CNTN5: variants seen among roughly 807,000 people sequenced by gnomAD.
The protein encoded by CNTN5 is contactin-5.
Under a neutral mutation model 129.1 loss-of-function variants are expected in CNTN5, and 77 were observed. The observed-to-expected ratio is 0.60, with a 90% CI of 0.50 to 0.72. The LOEUF is 0.72. Ranked by LOEUF, CNTN5 falls within the 30% of genes least tolerant of loss-of-function variation. The pLI, the probability that CNTN5 is intolerant of heterozygous loss-of-function variation, is 0.00. For synonymous variants in CNTN5, 509 were observed against 465.6 expected, an observed-to-expected ratio of 1.09 and a Z score of -1.20; for missense variants, 1,478 against 1,328.8, an observed-to-expected ratio of 1.11 and a Z score of -1.75.
chr11:99,404,603 T>C (rs1941988703), intron 2 of CNTN5, among the ~76,000 whole-genome samples: 1 of 152,170 alleles, frequency 6.6e-6, no homozygotes, highest in Non-Finnish European at 1.5e-5. Context: ...AACTTAACAC[T>C]ATTTGCATAA....
At chr11:99,419,028 A>C (rs1403889011) in intron 2 of CNTN5, among the ~76,000 whole-genome samples, 1 of 152,248 alleles carries the variant, frequency 6.6e-6, no homozygotes, top group Admixed American at 6.5e-5. Flanking sequence ...AGGATTATGC[A>C]TGATAAGGAA....
chr11:100,072,857 CAGTATAATAGCACTGAATTA>C (rs1195015059), intron 12 of CNTN5, among the ~76,000 whole-genome samples: 1 of 152,004 alleles, frequency 6.6e-6, no homozygotes, highest in African/African-American at 2.4e-5. Flanking sequence ...TGTCAACTCA[CAGTATAATAGCACTGAATTA>C]AAAGGCTGAT....
At chr11:99,855,578 A>G (rs1948006802) in intron 6 of CNTN5, among the ~76,000 whole-genome samples, 1 of 152,182 alleles carries the variant, frequency 6.6e-6, no homozygotes. Context: ...GGTGGTCTTT[A>G]GTAGTAGAAA....
intron 1 of CNTN5, among the ~76,000 whole-genome samples, chr11:99,141,202 T>G (rs997746973): frequency 2.0e-5 from 3 of 152,136 alleles, no homozygotes; most frequent in Non-Finnish European, 4.4e-5. Context: ...AGGTTTCAGT[T>G]TTTTTATTGG....
intron 3 of CNTN5, among the ~76,000 whole-genome samples, chr11:99,775,720 G>C (rs1355849616): frequency 6.6e-6 from 1 of 151,906 alleles, no homozygotes; most frequent in Non-Finnish European, 1.5e-5. Flanking sequence ...GCTATAAGTA[G>C]AATTTTGTAC....
intron 10 of CNTN5, among the ~76,000 whole-genome samples, chr11:100,070,165 C>CAA (rs3061793): frequency 0.25 from 27,733 of 108,896 alleles, 2,787 homozygotes; most frequent in East Asian, 0.43. Flanking sequence ...ACTTAAAGTC[C>CAA]AAAAAAAAAA....
chr11:100,024,115 G>C (rs532710830), intron 9 of CNTN5, among the ~76,000 whole-genome samples: 1 of 152,234 alleles, frequency 6.6e-6, no homozygotes, highest in Admixed American at 6.5e-5. Context: ...CACATGTCAA[G>C]GGAGAGACCA....
At chr11:100,325,513 G>A (rs1951772356) in intron 21 of CNTN5, among the ~76,000 whole-genome samples, 1 of 152,052 alleles carries the variant, frequency 6.6e-6, no homozygotes, top group Non-Finnish European at 1.5e-5. Flanking sequence ...TTTCATCTTT[G>A]TGCAGTGACC....
chr11:100,070,103 A>G (rs1943852538), intron 10 of CNTN5, among the ~76,000 whole-genome samples: 2 of 151,424 alleles, frequency 1.3e-5, no homozygotes, highest in Admixed American at 1.3e-4. Context: ...AATTGACTCT[A>G]GTACCTGACT....
intron 1 of CNTN5, among the ~76,000 whole-genome samples, chr11:99,122,367 T>C (rs1016393655): frequency 3.3e-5 from 5 of 152,122 alleles, no homozygotes; most frequent in African/African-American, 1.2e-4. Context: ...TAATAAACAA[T>C]ACATCTTAGG....
At chr11:99,958,551 G>T (rs893229096) in intron 8 of CNTN5, among the ~76,000 whole-genome samples, 2 of 152,164 alleles carry the variant, frequency 1.3e-5, no homozygotes, top group Non-Finnish European at 2.9e-5. Context: ...AGAGAGCTGG[G>T]CTACTGAAAG....
chr11:99,125,023 T>C (rs1447610126), intron 1 of CNTN5, among the ~76,000 whole-genome samples: 1 of 152,032 alleles, frequency 6.6e-6, no homozygotes, highest in Non-Finnish European at 1.5e-5. Context: ...AGCTTAATTC[T>C]ACCTAGAGAT....
At chr11:99,895,102 G>A (rs1212377216) in intron 6 of CNTN5, among the ~76,000 whole-genome samples, 1 of 152,200 alleles carries the variant, frequency 6.6e-6, no homozygotes, top group Non-Finnish European at 1.5e-5. Context: ...TAGGGCATAA[G>A]GATATTAAGA....
chr11:99,928,163 C>T (rs115053127), intron 7 of CNTN5, among the ~76,000 whole-genome samples: 11,118 of 152,240 alleles, frequency 0.073, 792 homozygotes, highest in African/African-American at 0.18. Context: ...GCTCCCATGG[C>T]CTTGGGCAAC....
intron 9 of CNTN5, among the ~76,000 whole-genome samples, chr11:100,010,678 T>A (rs562448818): frequency 6.6e-5 from 10 of 152,232 alleles, no homozygotes; most frequent in African/African-American, 2.4e-4. Context: ...AGGATGGAGC[T>A]GAGAGGTGGT....
chr11:99,673,325 C>T (rs1286040792), intron 3 of CNTN5, among the ~76,000 whole-genome samples: 1 of 152,126 alleles, frequency 6.6e-6, no homozygotes, highest in Non-Finnish European at 1.5e-5. Flanking sequence ...GCTAGATGCA[C>T]TACCAATCTT....
intron 23 of CNTN5, 21 bp downstream of exon 23, chr11:100,341,226 T>C (rs369133068): frequency 2.6e-5 from 40 of 1,515,754 alleles, no homozygotes; most frequent in Non-Finnish European, 3.5e-5. Context: ...CTTCACTCTT[T>C]TGCATAGATA....
At chr11:99,193,246 T>C (rs1858736340) in intron 1 of CNTN5, among the ~76,000 whole-genome samples, 2 of 152,224 alleles carry the variant, frequency 1.3e-5, no homozygotes, top group South Asian at 4.1e-4. Flanking sequence ...TATACAATTG[T>C]TAATACATAG....
rs146181817 is a variant in CNTN5, at chr11:99,393,603, T to C, written c.-71+68119T>C. Among the ~76,000 whole-genome samples, 203 of 151,890 alleles carry C rather than the reference T, an allele frequency of 1.3e-3. 2 individuals carry two copies. Among genetic ancestry groups the C allele is most frequent in the African/African-American group, 4.6e-3 (192 of 41,536 alleles). On this transcript the variant is annotated intron_variant, in intron 2 of 24. Coordinates refer to ENST00000524871, the MANE Select transcript of CNTN5 (RefSeq NM_014361.4). ...GACTTTAGGCTTTTTAACTGTGTCC[T>C]GTTGCTTTTCTCTACTGATTGTCCT...
Sources: gnomAD v4.1 joint callset for allele counts (sites outside exome capture counted in the v4.1 genomes callset) on GRCh38, gnomAD v4.1.1 for gene constraint, MANE v1.5 for transcripts, NCBI Gene and HGNC (gene_info 2026-07-23, HGNC 2026-07-21) for gene names.